The following KDM3A variants were observed in gnomAD, a reference collection of about 807,000 sequenced individuals.
KDM3A encodes the protein lysine-specific demethylase 3A.
KDM3A carries 60 observed loss-of-function variants against 158.0 expected under a neutral mutation model. The ratio of observed to expected loss-of-function variants is 0.38; its 90% CI spans 0.31 to 0.47. The LOEUF (loss-of-function observed/expected upper bound fraction) is 0.47, where lower values mean the gene tolerates loss of function less well. Ranked by LOEUF, KDM3A falls within the 20% of genes least tolerant of loss-of-function variation. The pLI is 0.99. For synonymous variants in KDM3A, 608 were observed against 549.3 expected (o/e 1.11, Z -1.49); for missense variants, 1,319 against 1,574.3 (o/e 0.84, Z 2.74).
Position 86,466,377 on chromosome 2 carries a change from A to G in KDM3A, c.1013A>G (p.His338Arg). 6.2e-7 allele frequency: 1 copy of G among 1,607,092 alleles called. No homozygotes were observed. The highest frequency in any genetic ancestry group is 8.5e-7 in the Non-Finnish European group (1 of 1,176,928). The change falls in exon 10 of 26, where the codon CAT becomes CGT. Residue 338 changes from histidine (H) to arginine (R), a missense_variant. His to Arg is a conservative substitution (Grantham distance 29). This residue lies in a region of KDM3A where 652 missense variants were observed against 627.2 expected (regional missense o/e 1.04). Coordinates refer to ENST00000312912, the MANE Select transcript of KDM3A (RefSeq NM_018433.6). ...TTCTATATTATATTTTTCAGATGTC[A>G]TAAACAAAGTTTACCAGAGGAAATT... ...NLGAKIPQGC[H>R]KQSLPEEISS...
At chr2:86,460,363 C>G (rs973379772) in intron 8 of KDM3A, among the ~76,000 whole-genome samples, 3 of 152,096 alleles carry the variant, frequency 2.0e-5, no homozygotes, top group African/African-American at 7.2e-5. Context: ...TTTGGATACA[C>G]TGGCCTGGCC....
At chr2:86,465,603 CT>C (rs374160547) in intron 9 of KDM3A, among the ~76,000 whole-genome samples, 18 of 151,894 alleles carry the variant, frequency 1.2e-4, no homozygotes, top group African/African-American at 4.1e-4. Context: ...AGATGGGGGA[CT>C]TGCTATTTTG....
rs1682749291 is a variant in KDM3A at position 86,442,102 on chromosome 2, A to T, written c.55A>T (p.Ser19Cys). Residue 19 changes from serine (S) to cysteine (C), a missense_variant, in exon 2 of 26, where the codon AGT (serine) becomes TGT (cysteine). Physicochemically the swap from Ser to Cys is moderately radical, Grantham distance 112 (BLOSUM62 -1). Transcript: ENST00000312912. Reference sequence around the variant, plus strand: ...GGTATTGGTGGGGAGGAGGTTTCTCAGTCTGTCCGCAGCCGACGGCAGCGA... The same window carrying T: ...GGTATTGGTGGGGAGGAGGTTTCTCTGTCTGTCCGCAGCCGACGGCAGCGA... ...WPVLVGRRFL[S>C]LSAADGSDGS... 3 of 1,614,020 alleles carry T rather than the reference A, an allele frequency of 1.9e-6. No individual in the cohort carries two copies. The highest frequency in any genetic ancestry group is 2.5e-6 in the Non-Finnish European group (3 of 1,180,018).
rs753582424 is a variant in KDM3A at position 86,442,120 on chromosome 2, G to A, written c.73G>A (p.Gly25Ser). Residue 25 changes from glycine (G) to serine (S), a missense_variant, in exon 2 of 26, where the codon GGC becomes AGC. Transcript: ENST00000312912. Reference protein sequence around the residue: ...RRFLSLSAADGSDGSHDSWDV... With the variant: ...RRFLSLSAADSSDGSHDSWDV... ...GTTTCTCAGTCTGTCCGCAGCCGAC[G>A]GCAGCGATGGCAGCCACGACAGCTG... 1 of 1,614,038 alleles carries A rather than the reference G, an allele frequency of 6.2e-7. No homozygotes were observed. Among genetic ancestry groups the A allele is most frequent in the Non-Finnish European group, 8.5e-7 (1 of 1,179,970 alleles).
intron 16 of KDM3A, among the ~76,000 whole-genome samples, chr2:86,480,915 C>G (rs1000034803): frequency 1.3e-5 from 2 of 152,186 alleles, no homozygotes; most frequent in African/African-American, 4.8e-5. Flanking sequence ...TTCTGTGATG[C>G]CCAATCATCA....
At chr2:86,475,122 A>G in intron 12 of KDM3A, 132 bp downstream of exon 12, 1 of 733,606 alleles carries the variant, frequency 1.4e-6, no homozygotes, top group Non-Finnish European at 2.3e-6. Context: ...ATGAGGTTGC[A>G]TTTTTCCTTT....
chr2:86,460,849 C>G (rs1446482459), intron 8 of KDM3A: 3 of 150,966 alleles, frequency 2.0e-5, no homozygotes, highest in Non-Finnish European at 4.4e-5. Flanking sequence ...GAAACTTTGA[C>G]CCTTTGTTGA....
intron 16 of KDM3A, among the ~76,000 whole-genome samples, chr2:86,481,667 G>T (rs1378766076): frequency 1.3e-5 from 2 of 152,096 alleles, no homozygotes; most frequent in Non-Finnish European, 2.9e-5. Context: ...AAATCCAAAA[G>T]AATCTACATT....
At chr2:86,449,385 A>G (rs60304516) in intron 2 of KDM3A, among the ~76,000 whole-genome samples, 20,979 of 152,280 alleles carry the variant, frequency 0.14, 1,573 homozygotes, top group Middle Eastern at 0.16. Flanking sequence ...ATGGGGGGTC[A>G]TCTTAAGCCC....
rs201713531 is a variant in KDM3A, at chr2:86,466,788, C to T, written c.1424C>T (p.Ser475Leu). 5 of 1,613,662 alleles carry T rather than the reference C, an allele frequency of 3.1e-6. No individual in the cohort carries two copies. Among genetic ancestry groups the T allele is most frequent in the Middle Eastern group, 1.7e-4 (1 of 6,056 alleles). ...NNCSGKKVEP[S>L]ALACRSQNLK... ...TGTTCAGGAAAAAAGGTAGAACCTT[C>T]AGCTTTAGCTTGCCGATCACAGAAT... The change falls in exon 10 of 26, where the codon TCA (serine) becomes TTA (leucine). Residue 475 changes from serine (S) to leucine (L), a missense_variant. Around this residue, in one of 4 missense-constraint regions of KDM3A, gnomAD observed 652 missense variants for 627.2 expected, o/e 1.04. Transcript: ENST00000312912.
chr2:86,446,261 C>T (rs180992613), intron 2 of KDM3A, among the ~76,000 whole-genome samples: 4 of 152,332 alleles, frequency 2.6e-5, no homozygotes, highest in African/African-American at 9.6e-5. Context: ...TCATAGTTGA[C>T]TCTGGCCTTT....
chr2:86,491,657 C>CA (rs1219485599), intron 25 of KDM3A: 1 of 301,738 alleles, frequency 3.3e-6, no homozygotes, highest in Non-Finnish European at 6.2e-6. Context: ...CTCTGAGACT[C>CA]AAAGAGGTCT....
intron 21 of KDM3A, 76 bp from the exon 22 acceptor site, chr2:86,489,242 C>T: frequency 1.4e-6 from 2 of 1,470,724 alleles, no homozygotes; most frequent in Non-Finnish European, 1.8e-6. Flanking sequence ...GACCTACCAT[C>T]CCCCAGGTAG....
chr2:86,456,556 A>G lies in KDM3A; in HGVS notation c.671A>G (p.Asn224Ser), dbSNP rs142114358. The change falls in exon 6 of 26, where the codon AAC (asparagine) becomes AGC (serine). Residue 224 changes from asparagine (N) to serine (S), a missense_variant. By Grantham distance (46) the Asn-to-Ser change is conservative. Transcript: ENST00000312912. ...GNPASKTLQV[N>S]CEEIPALKIV... ...CCAGCATCAAAAACTCTTCAAGTCA[A>G]CTGTGAGGAGGTAAAGACAACAATA... The G allele has an allele frequency of 4.4e-6, 7 of 1,607,084 alleles. No individual in the cohort carries two copies. Among genetic ancestry groups the G allele is most frequent in the African/African-American group, 1.3e-5 (1 of 74,290 alleles).
Position 86,468,320 on chromosome 2 carries a change from CAAAA to C in KDM3A, c.1519+1438_1519+1441del, listed in dbSNP as rs890112062. On this transcript the variant is annotated intron_variant, in intron 10 of 25. Coordinates refer to ENST00000312912, the MANE Select transcript of KDM3A (RefSeq NM_018433.6). Reference sequence around the variant, plus strand: ...CTGTTCTCAGAAATTAGGTAACACTCAAAAGAAAGTACATATTCATAACCATATC... The same window carrying C: ...CTGTTCTCAGAAATTAGGTAACACTCGAAAGTACATATTCATAACCATATC... Among the ~76,000 whole-genome samples, 59 of 152,274 alleles carry C rather than the reference CAAAA, an allele frequency of 3.9e-4. 1 individual carries two copies. The highest frequency in any genetic ancestry group is 1.4e-3 in the African/African-American group (57 of 41,552).
intron 8 of KDM3A, 75 bp from the exon 9 acceptor site, chr2:86,463,978 C>T: frequency 8.8e-7 from 1 of 1,135,616 alleles, no homozygotes; most frequent in Non-Finnish European, 1.2e-6. Context: ...AGCAAATGAT[C>T]TTAAATTTGG....
At position 86,466,637 on chromosome 2, in the gene KDM3A, A is replaced by G. The variant is rs1379706698; in HGVS notation, c.1273A>G (p.Lys425Glu). 1 of 1,613,970 alleles carries G rather than the reference A, an allele frequency of 6.2e-7. No homozygotes were observed. ...KECLPTKASS[K>E]AELEIANPPE... ...GTGCTTACCTACAAAGGCTTCTTCT[A>G]AGGCAGAATTGGAAATTGCCAATCC... Residue 425 changes from lysine to glutamate, a missense_variant, in exon 10 of 26, where the codon AAG (lysine) becomes GAG (glutamate). By Grantham distance (56) the Lys-to-Glu change is moderately conservative (BLOSUM62 1). This residue lies in a region of KDM3A where 652 missense variants were observed against 627.2 expected (regional missense o/e 1.04). Transcript: ENST00000312912.
Position 86,466,878 on chromosome 2 carries a change from A to G in KDM3A, c.1514A>G (p.Gln505Arg), listed in dbSNP as rs1466084304. 6.3e-7 allele frequency: 1 copy of G among 1,594,386 alleles called. No homozygotes were observed. Reference protein sequence around the residue: ...SCCSRSNNKIQNAPSRKSVLT... With the variant: ...SCCSRSNNKIRNAPSRKSVLT... ...TGTTCAAGAAGCAACAATAAAATCC[A>G]GAATGGTGAGTGTTTCTCAATATCT... Residue 505 changes from glutamine (Q) to arginine (R), a missense_variant, in exon 10 of 26, where the codon CAG becomes CGG. Transcript: ENST00000312912.
chr2:86,456,740 C>T, intron 6 of KDM3A, 65 bp from the exon 7 acceptor site: 1 of 1,384,874 alleles, frequency 7.2e-7, no homozygotes, highest in Non-Finnish European at 1.0e-6. Context: ...GTTAATGAAC[C>T]TGATTTTCAG....
Sources: gnomAD v4.1 joint callset for allele counts (sites outside exome capture counted in the v4.1 genomes callset) on GRCh38, gnomAD v4.1.1 for gene constraint, gnomAD v4.1.1 regional missense constraint, MANE v1.5 for transcripts, NCBI Gene and HGNC (gene_info 2026-07-23, HGNC 2026-07-21) for gene names.